The following APLP2 variants were observed in gnomAD, a reference collection of about 807,000 sequenced individuals.
The protein encoded by APLP2 is CDEI box-binding protein.
APLP2 carries 53 observed loss-of-function variants against 89.9 expected under a neutral mutation model. The observed-to-expected ratio is 0.59, with a 90% CI of 0.47 to 0.74. APLP2 has a LOEUF of 0.74. APLP2 is among the 30% of genes least tolerant of loss of function. The pLI, the probability that APLP2 is intolerant of heterozygous loss-of-function variation, is 0.00. For missense variants in APLP2, 973 were observed against 975.9 expected (o/e 1.00, Z 0.04); for synonymous variants, 372 against 348.6 (o/e 1.07, Z -0.75).
intron 14 of APLP2, 36 bp downstream of exon 14, chr11:130,140,519 CT>C: frequency 6.5e-7 from 1 of 1,542,158 alleles, no homozygotes; most frequent in South Asian, 1.2e-5. Flanking sequence ...ACACGCTTTA[CT>C]TTTGAGACTC....
chr11:130,079,443 T>A (rs1186488597), intron 1 of APLP2, among the ~76,000 whole-genome samples: 1 of 152,210 alleles, frequency 6.6e-6, no homozygotes, highest in African/African-American at 2.4e-5. Flanking sequence ...CTGCCTTCAA[T>A]GTTTGGTAGA....
intron 1 of APLP2, among the ~76,000 whole-genome samples, chr11:130,073,873 A>C (rs1334183214): frequency 1.3e-5 from 2 of 152,194 alleles, no homozygotes; most frequent in African/African-American, 4.8e-5. Context: ...TTAATCTTAT[A>C]AAAAATGCAA....
At chr11:130,107,876 G>A (rs1295752398) in intron 1 of APLP2, among the ~76,000 whole-genome samples, 7 of 152,078 alleles carry the variant, frequency 4.6e-5, no homozygotes, top group Admixed American at 2.0e-4. Flanking sequence ...AATACAGACC[G>A]ATGGAACAGA....
At chr11:130,104,206 C>CTTTTTTTT (rs59598831) in intron 1 of APLP2, among the ~76,000 whole-genome samples, 1 of 76,988 alleles carries the variant, frequency 1.3e-5, no homozygotes, top group Non-Finnish European at 2.3e-5. Flanking sequence ...TGGTACACAT[C>CTTTTTTTT]TTTTTTTTTT....
At chr11:130,138,777 A>G (rs1164169311) in intron 13 of APLP2, 1 of 136,308 alleles carries the variant, frequency 7.3e-6, no homozygotes, top group Non-Finnish European at 1.6e-5. Context: ...TTTTTTTTTT[A>G]ACGTAGAGAC....
intron 1 of APLP2, among the ~76,000 whole-genome samples, chr11:130,106,035 G>C (rs959900292): frequency 6.6e-6 from 1 of 152,168 alleles, no homozygotes; most frequent in African/African-American, 2.4e-5. Flanking sequence ...ATGTCTGCAG[G>C]AGCCTTGCTG....
Position 130,133,762 on chromosome 11 carries a change from GGACT to G in APLP2, c.1684+35_1684+38del, listed in dbSNP as rs749461509. The G allele has an allele frequency of 2.6e-6, 4 of 1,528,816 alleles. No homozygotes were observed. In the South Asian group the frequency reaches 4.5e-5, roughly 17 times the overall value. The allele number at this position is 1,528,816 out of a possible 1,614,324, so 94.7% of individuals were successfully genotyped here. On this transcript the variant is annotated intron_variant, in intron 12 of 16. Transcript: ENST00000338167. ...CAGCTCTTTGTGTCAAGGTCATACG[GGACT>G]TCTTGCAGAGGCTCAGGAGTGAAAG...
At chr11:130,140,003 TGGGTGCTGTGGCAGCC>T (rs1952148418) in intron 13 of APLP2, among the ~76,000 whole-genome samples, 1 of 152,204 alleles carries the variant, frequency 6.6e-6, no homozygotes, top group Non-Finnish European at 1.5e-5. Flanking sequence ...ATTGTGAGGA[TGGGTGCTGTGGCAGCC>T]GGGTGTGGGT....
At chr11:130,099,583 T>A (rs186671757) in intron 1 of APLP2, among the ~76,000 whole-genome samples, 1 of 152,354 alleles carries the variant, frequency 6.6e-6, no homozygotes, top group African/African-American at 2.4e-5. Context: ...TCAGCAACTC[T>A]TGGCCATTTT....
intron 1 of APLP2, among the ~76,000 whole-genome samples, chr11:130,102,835 C>T (rs1947124930): frequency 6.6e-6 from 1 of 152,186 alleles, no homozygotes; most frequent in Admixed American, 6.5e-5. Context: ...CTAAACTGTT[C>T]CCCAAGCCAA....
chr11:130,089,028 G>C (rs1388854314), intron 1 of APLP2, among the ~76,000 whole-genome samples: 1 of 152,080 alleles, frequency 6.6e-6, no homozygotes, highest in Non-Finnish European at 1.5e-5. Flanking sequence ...ACTCAAAACT[G>C]AAGTTTATCA....
intron 1 of APLP2, among the ~76,000 whole-genome samples, chr11:130,094,045 G>A (rs968301917): frequency 4.0e-5 from 5 of 125,350 alleles, no homozygotes; most frequent in Admixed American, 7.9e-5. Context: ...ACTCCCGGCC[G>A]TATTTTTTTT....
At chr11:130,090,912 C>T (rs1944924047) in intron 1 of APLP2, among the ~76,000 whole-genome samples, 1 of 149,914 alleles carries the variant, frequency 6.7e-6, no homozygotes, top group Non-Finnish European at 1.5e-5. Context: ...CCCCATCTCC[C>T]TCCCGGACGG....
In APLP2 at chr11:130,140,421, G is replaced by C. The variant is rs1339372369; in HGVS notation, c.1861G>C (p.Gly621Arg). ...AGGATCTGGAGTGGGAGAGCAGGATGGGGGACTGATCGGTGCCGAAGAGAA... is the reference window on the plus strand; with the variant it reads ...AGGATCTGGAGTGGGAGAGCAGGATCGGGGACTGATCGGTGCCGAAGAGAA... ...NEGSGVGEQD[G>R]GLIGAEEKVI... is the part of the protein sequence containing the mutation. The change falls in exon 14 of 17, where the codon GGG (glycine) becomes CGG (arginine). Residue 621 changes from glycine (G) to arginine (R), a missense_variant. Transcript: ENST00000338167. 1.9e-5 allele frequency: 31 copies of C among 1,610,760 alleles called. No homozygotes were observed. Among genetic ancestry groups the C allele is most frequent in the Admixed American group, 5.1e-5 (3 of 59,350 alleles).
intron 3 of APLP2, among the ~76,000 whole-genome samples, chr11:130,115,570 A>G (rs1299366414): frequency 1.3e-5 from 2 of 152,248 alleles, no homozygotes; most frequent in African/African-American, 2.4e-5. Context: ...CTATATTGCC[A>G]TATTCATTGA....
rs140113017 is a variant in APLP2, at chr11:130,078,701, C to A, written c.105+8619C>A. 1.1e-4 allele frequency among the ~76,000 whole-genome samples: 16 copies of A among 152,114 alleles called. 1 individual carries two copies. In the East Asian group the frequency reaches 3.1e-3, roughly 29 times the overall value. ...TTTCCTTATGGATATCTGGCCTGCA[C>A]CATTTATTGTCAAGGTCATCCTTTC... On this transcript the variant is annotated intron_variant, in intron 1 of 16. Transcript: ENST00000338167.
chr11:130,142,110 T>G, intron 16 of APLP2, 36 bp downstream of exon 16: 1 of 1,577,092 alleles, frequency 6.3e-7, no homozygotes, highest in South Asian at 1.2e-5. Context: ...TGCTCTGCAC[T>G]GTGGGCTGGG....
chr11:130,138,182 C>A (rs1374281096), intron 13 of APLP2, among the ~76,000 whole-genome samples: 1 of 152,196 alleles, frequency 6.6e-6, no homozygotes, highest in Non-Finnish European at 1.5e-5. Context: ...TGTATGAGCC[C>A]ACCCTTGGCT....
At position 130,123,973 on chromosome 11, in the gene APLP2, C is replaced by T. The variant is rs183141941; in HGVS notation, c.1090+194C>T. 7.2e-5 allele frequency among the ~76,000 whole-genome samples: 11 copies of T among 152,246 alleles called. No homozygotes were observed. The highest frequency in any genetic ancestry group is 3.9e-4 in the Admixed American group (6 of 15,292). ...TGCCGGCAGTGGTAAGCTCAGTTCT[C>T]GTGTCCTGTGCTCACCGTGTGTCTG... On this transcript the variant is annotated intron_variant, in intron 7 of 16. Transcript: ENST00000338167. The surrounding 1 kb of genome is among the most constrained non-coding windows in gnomAD (Gnocchi z 4.0).
Sources: allele counts gnomAD v4.1 joint callset (sites outside exome capture counted in the v4.1 genomes callset), GRCh38; gene constraint gnomAD v4.1.1; non-coding constraint Gnocchi (gnomAD v3.1); transcripts MANE v1.5; gene names NCBI Gene and HGNC (gene_info 2026-07-23, HGNC 2026-07-21).